The following PCDHA7 variants were observed in gnomAD, a reference collection of about 807,000 sequenced individuals.
PCDHA7 encodes the protein protocadherin alpha-7.
Under a neutral mutation model 57.2 loss-of-function variants are expected in PCDHA7, and 37 were observed. The ratio of observed to expected loss-of-function variants is 0.65; its 90% CI spans 0.50 to 0.85. PCDHA7 has a LOEUF of 0.85. Among genes scored for constraint, PCDHA7 ranks in the 40% least tolerant of loss-of-function variants. The pLI is 0.00. For missense variants in PCDHA7, 1,188 were observed against 1,241.8 expected (o/e 0.96, Z 0.65); for synonymous variants, 553 against 558.8 (o/e 0.99, Z 0.15).
intron 1 of PCDHA7, chr5:140,841,999 T>G: frequency 6.2e-7 from 1 of 1,613,818 alleles, no homozygotes; most frequent in Non-Finnish European, 8.5e-7. Flanking sequence ...CAGGCACTGT[T>G]CAGCTGCTGG....
rs1554253792 is a variant in PCDHA7 at position 140,993,501 on chromosome 5, C to CACAT, written c.2503+10941_2503+10942insTACA. ...ACACACACACACACACACACACACA[C>CACAT]ACACACACGGGGAGAGAGAGACAGA... is the stretch of plus-strand genomic sequence containing the variant. On this transcript the variant is annotated intron_variant, in intron 3 of 3. Transcript: ENST00000525929. Among the ~76,000 whole-genome samples, 4 of 149,100 alleles carry CACAT rather than the reference C, an allele frequency of 2.7e-5. No individual in the cohort carries two copies. In the East Asian group the frequency reaches 5.8e-4, roughly 22 times the overall value.
At chr5:140,943,316 A>G (rs1326467105) in intron 1 of PCDHA7, among the ~76,000 whole-genome samples, 3 of 151,868 alleles carry the variant, frequency 2.0e-5, no homozygotes, top group African/African-American at 4.8e-5. Context: ...ATTATTAGCA[A>G]TATTGTGTAG....
rs2150250773 is a variant in PCDHA7 at position 140,836,019 on chromosome 5, G to A, written c.1636G>A (p.Gly546Ser). 7.4e-6 allele frequency: 12 copies of A among 1,613,252 alleles called. No individual in the cohort carries two copies. In the East Asian group the frequency reaches 1.1e-4, roughly 15 times the overall value. The part of the protein sequence containing the change: ...SARDAGVPPL[G>S]SNVTLQVFVL... ...GCGCGATGCGGGCGTGCCGCCTCTG[G>A]GCAGCAACGTGACGCTGCAGGTGTT... The change falls in exon 1 of 4, where the codon GGC (glycine) becomes AGC (serine). Residue 546 changes from glycine to serine, a missense_variant. Gly to Ser is a moderately conservative substitution (Grantham distance 56). This residue lies in a region of PCDHA7 where 892 missense variants were observed against 788.5 expected (regional missense o/e 1.13). Coordinates refer to ENST00000525929, the MANE Select transcript of PCDHA7 (RefSeq NM_018910.3).
chr5:140,942,589 T>G (rs1444015331), intron 1 of PCDHA7, among the ~76,000 whole-genome samples: 1 of 148,934 alleles, frequency 6.7e-6, no homozygotes, highest in Non-Finnish European at 1.5e-5. Flanking sequence ...GGATGTCACA[T>G]ATAATTATAG....
chr5:140,926,954 A>T, intron 1 of PCDHA7: 1 of 1,597,602 alleles, frequency 6.3e-7, no homozygotes, highest in Non-Finnish European at 8.6e-7. Flanking sequence ...GCAGCGGGAC[A>T]GCTCGAGTAC....
At chr5:140,911,158 G>A (rs1274383238) in intron 1 of PCDHA7, among the ~76,000 whole-genome samples, 1 of 152,162 alleles carries the variant, frequency 6.6e-6, no homozygotes, top group African/African-American at 2.4e-5. Context: ...TCAGACAAAT[G>A]TGGAAAGGCT....
At chr5:140,978,703 G>A (rs556167285) in intron 1 of PCDHA7, among the ~76,000 whole-genome samples, 9 of 152,210 alleles carry the variant, frequency 5.9e-5, no homozygotes, top group Non-Finnish European at 1.3e-4. Flanking sequence ...AGCCAAAGGT[G>A]GCCTTTACAA....
intron 3 of PCDHA7, among the ~76,000 whole-genome samples, chr5:141,003,504 G>A (rs1336599901): frequency 9.2e-5 from 14 of 152,020 alleles, no homozygotes; most frequent in African/African-American, 3.4e-4. Context: ...GTAGAGATGG[G>A]GTTTCACCAT....
At chr5:140,904,270 G>A (rs374052783) in intron 1 of PCDHA7, among the ~76,000 whole-genome samples, 3 of 152,068 alleles carry the variant, frequency 2.0e-5, no homozygotes, top group East Asian at 3.9e-4. Context: ...ACTTATGAAT[G>A]AGAACATGTG....
At chr5:140,994,563 G>A (rs1554254253) in intron 3 of PCDHA7, among the ~76,000 whole-genome samples, 1 of 151,976 alleles carries the variant, frequency 6.6e-6, no homozygotes, top group Non-Finnish European at 1.5e-5. Flanking sequence ...AAATTAGCCG[G>A]GTGTGGTGGC....
chr5:140,860,904 A>ATT (rs369143047), intron 1 of PCDHA7: 1 of 152,182 alleles, frequency 6.6e-6, no homozygotes, highest in African/African-American at 2.4e-5. Context: ...CGCCAGGCTA[A>ATT]TTTTTTGTAT....
intron 1 of PCDHA7, chr5:140,926,693 C>G (rs576013331): frequency 3.9e-4 from 291 of 742,942 alleles, no homozygotes; most frequent in Non-Finnish European, 5.0e-4. Flanking sequence ...CTAGCAAGCC[C>G]GGCTCCCAGC....
At chr5:140,905,380 T>G (rs1226315920) in intron 1 of PCDHA7, among the ~76,000 whole-genome samples, 1 of 152,216 alleles carries the variant, frequency 6.6e-6, no homozygotes, top group African/African-American at 2.4e-5. Context: ...TCTGTTCTGT[T>G]TCATAGGTCT....
intron 1 of PCDHA7, chr5:140,968,461 C>G (rs141568667): frequency 1.4e-5 from 22 of 1,614,078 alleles, no homozygotes; most frequent in Non-Finnish European, 1.9e-5. Context: ...CTGTGACTGC[C>G]AACGTATATG....
intron 1 of PCDHA7, chr5:140,850,351 G>A (rs2150480754): frequency 6.3e-7 from 1 of 1,597,916 alleles, no homozygotes; most frequent in Non-Finnish European, 8.6e-7. Flanking sequence ...GCCAGCGCGA[G>A]CATCCCGTTC....
chr5:140,856,786 T>C (rs1304575446), intron 1 of PCDHA7: 4 of 1,596,308 alleles, frequency 2.5e-6, no homozygotes, highest in East Asian at 4.5e-5. Context: ...GACCGGTTTA[T>C]GAAGTTAAGA....
intron 1 of PCDHA7, among the ~76,000 whole-genome samples, chr5:140,930,790 A>G (rs155822): frequency 0.047 from 7,177 of 152,302 alleles, 299 homozygotes; most frequent in African/African-American, 0.11. Context: ...ACAATATAAT[A>G]GAATCCAGCA....
intron 1 of PCDHA7, among the ~76,000 whole-genome samples, chr5:140,914,715 T>A (rs1554196547): frequency 6.6e-6 from 1 of 152,162 alleles, no homozygotes; most frequent in Non-Finnish European, 1.5e-5. Flanking sequence ...TTCTTGTTTT[T>A]TATTTTTTGT....
chr5:140,982,300 G>A (rs2096976836), intron 2 of PCDHA7, 175 bp from the exon 3 acceptor site: 1 of 1,204,506 alleles, frequency 8.3e-7, no homozygotes, highest in South Asian at 1.7e-5. Flanking sequence ...AGTCAGCAAT[G>A]CTTCTGCAGT....
Sources: allele counts gnomAD v4.1 joint callset (sites outside exome capture counted in the v4.1 genomes callset), GRCh38; gene constraint gnomAD v4.1.1; regional missense constraint gnomAD v4.1.1; transcripts MANE v1.5; gene names NCBI Gene and HGNC (gene_info 2026-07-23, HGNC 2026-07-21).